ZNF385B: variants seen among roughly 807,000 people sequenced by gnomAD.
ZNF385B encodes the protein zinc finger protein 533.
ZNF385B carries 23 observed loss-of-function variants against 39.2 expected under a neutral mutation model. The observed-to-expected ratio is 0.59, with a 90% CI of 0.42 to 0.83. The LOEUF (loss-of-function observed/expected upper bound fraction) is 0.83, where lower values mean the gene tolerates loss of function less well. Ranked by LOEUF, ZNF385B falls within the 40% of genes least tolerant of loss-of-function variation. The probability of loss-of-function intolerance (pLI) is 0.00; values close to 1 mark genes in which losing one functional copy is unlikely to be tolerated. For synonymous variants in ZNF385B, 205 were observed against 222.6 expected, an observed-to-expected ratio of 0.92 and a Z score of 0.70; for missense variants, 552 against 598.9, an observed-to-expected ratio of 0.92 and a Z score of 0.82.
intron 3 of ZNF385B, among the ~76,000 whole-genome samples, chr2:179,707,259 A>G (rs1053316936): frequency 6.6e-6 from 1 of 152,200 alleles, no homozygotes; most frequent in Non-Finnish European, 1.5e-5. Flanking sequence ...TGGCTTCTCC[A>G]TCTATGGGAC....
chr2:179,600,612 G>A (rs1169478926), intron 3 of ZNF385B, among the ~76,000 whole-genome samples: 2 of 152,166 alleles, frequency 1.3e-5, no homozygotes, highest in Non-Finnish European at 1.5e-5. Context: ...TGCACAGGGA[G>A]ACTCCTTCAT....
intron 3 of ZNF385B, among the ~76,000 whole-genome samples, chr2:179,744,235 A>G (rs1468311695): frequency 6.6e-6 from 1 of 152,116 alleles, no homozygotes; most frequent in Non-Finnish European, 1.5e-5. Context: ...GAGAAATGAC[A>G]ATGCATCTAG....
intron 3 of ZNF385B, among the ~76,000 whole-genome samples, chr2:179,554,236 C>G (rs1243146121): frequency 6.7e-6 from 1 of 149,078 alleles, no homozygotes; most frequent in Non-Finnish European, 1.5e-5. Context: ...TTAATACTTA[C>G]CATAAACGGC....
At chr2:179,522,826 C>CT in intron 4 of ZNF385B, 2 of 378,960 alleles carry the variant, frequency 5.3e-6, no homozygotes, top group African/African-American at 2.2e-5. Context: ...ACTAAAGATG[C>CT]TTTTTTAAAG....
intron 2 of ZNF385B, among the ~76,000 whole-genome samples, 192 bp downstream of exon 2, chr2:179,770,329 G>T (rs62180392): frequency 0.13 from 19,582 of 152,090 alleles, 1,474 homozygotes; most frequent in Non-Finnish European, 0.18. Flanking sequence ...AACTGCACCT[G>T]TTACATAATA....
chr2:179,500,714 A>G (rs1172687164), intron 5 of ZNF385B, among the ~76,000 whole-genome samples: 1 of 152,170 alleles, frequency 6.6e-6, no homozygotes, highest in Non-Finnish European at 1.5e-5. Flanking sequence ...AATACCCCAC[A>G]AGCACAGGCA....
intron 3 of ZNF385B, among the ~76,000 whole-genome samples, chr2:179,734,869 G>C (rs900363638): frequency 2.2e-4 from 33 of 152,102 alleles, no homozygotes; most frequent in Non-Finnish European, 3.1e-4. Flanking sequence ...ACACCTTATA[G>C]AAAAATCAAT....
chr2:179,533,947 T>G (rs1019799502), intron 4 of ZNF385B, among the ~76,000 whole-genome samples: 1 of 152,070 alleles, frequency 6.6e-6, no homozygotes. Context: ...TCACTGGAGG[T>G]AAATAGGGTA....
chr2:179,634,973 C>CAAAAAAAAAAAA (rs66671134), intron 3 of ZNF385B, among the ~76,000 whole-genome samples: 60 of 115,482 alleles, frequency 5.2e-4, no homozygotes, highest in Non-Finnish European at 7.6e-4. Context: ...ACTAAAAATA[C>CAAAAAAAAAAAA]AAAAAAAAAA....
intron 1 of ZNF385B, among the ~76,000 whole-genome samples, chr2:179,815,501 T>G (rs1169828435): frequency 6.6e-6 from 1 of 152,202 alleles, no homozygotes; most frequent in Non-Finnish European, 1.5e-5. Context: ...ATACCGGTAT[T>G]TCTGTTTACC....
chr2:179,460,511 C>G (rs1198150736), intron 6 of ZNF385B, among the ~76,000 whole-genome samples: 1 of 152,180 alleles, frequency 6.6e-6, no homozygotes, highest in Admixed American at 6.5e-5. Flanking sequence ...AAACGATAAC[C>G]AGCCATTGTT....
intron 4 of ZNF385B, among the ~76,000 whole-genome samples, chr2:179,519,842 A>C (rs1043415647): frequency 6.6e-6 from 1 of 152,244 alleles, no homozygotes; most frequent in Admixed American, 6.5e-5. Flanking sequence ...AATGAATACT[A>C]TCTCTGATCA....
At chr2:179,445,457 T>C in intron 8 of ZNF385B, 93 bp downstream of exon 8, 1 of 1,284,470 alleles carries the variant, frequency 7.8e-7, no homozygotes. Flanking sequence ...TCAACTTAAC[T>C]GTGAGCACAG....
chr2:179,846,319 G>C (rs896404779), intron 1 of ZNF385B, among the ~76,000 whole-genome samples: 5 of 152,302 alleles, frequency 3.3e-5, no homozygotes, highest in African/African-American at 1.2e-4. Flanking sequence ...TAATCACTCA[G>C]ATGTTTAATC....
chr2:179,769,240 T>C (rs964745295), intron 3 of ZNF385B, among the ~76,000 whole-genome samples: 1 of 152,186 alleles, frequency 6.6e-6, no homozygotes, highest in Non-Finnish European at 1.5e-5. Context: ...TCACACATTG[T>C]GGGGATACAG....
At chr2:179,617,574 T>C (rs138384822) in intron 3 of ZNF385B, among the ~76,000 whole-genome samples, 1 of 152,304 alleles carries the variant, frequency 6.6e-6, no homozygotes, top group Non-Finnish European at 1.5e-5. Context: ...GGAAGGCTTA[T>C]TAAAACACAG....
At chr2:179,732,185 G>A (rs1701437678) in intron 3 of ZNF385B, among the ~76,000 whole-genome samples, 1 of 152,168 alleles carries the variant, frequency 6.6e-6, no homozygotes, top group South Asian at 2.1e-4. Context: ...AAAGAAAGAT[G>A]GAAATTCACA....
At chr2:179,631,890 A>C (rs1691259662) in intron 3 of ZNF385B, among the ~76,000 whole-genome samples, 1 of 152,126 alleles carries the variant, frequency 6.6e-6, no homozygotes, top group Non-Finnish European at 1.5e-5. Flanking sequence ...CAGTGGTTGC[A>C]ATCCTAGTAT....
chr2:179,820,764 C>T (rs187494328), intron 1 of ZNF385B, among the ~76,000 whole-genome samples: 1 of 152,000 alleles, frequency 6.6e-6, no homozygotes, highest in African/African-American at 2.4e-5. Context: ...TAAGGAATTT[C>T]CTTATAGTAA....
Sources: allele counts gnomAD v4.1 joint callset (sites outside exome capture counted in the v4.1 genomes callset), GRCh38; gene constraint gnomAD v4.1.1; transcripts MANE v1.5; gene names NCBI Gene and HGNC (gene_info 2026-07-23, HGNC 2026-07-21).